The following NLGN1 variants were observed in gnomAD, a reference collection of about 807,000 sequenced individuals.
The protein encoded by NLGN1 is neuroligin-1.
NLGN1 carries 12 observed loss-of-function variants against 65.5 expected under a neutral mutation model. That is an observed-to-expected ratio of 0.18 (90% CI 0.12 to 0.30). The LOEUF (loss-of-function observed/expected upper bound fraction) is 0.30. Ranked by LOEUF, NLGN1 falls within the 10% of genes least tolerant of loss-of-function variation. The probability of loss-of-function intolerance (pLI) is 1.00; values close to 1 mark genes in which losing one functional copy is unlikely to be tolerated. For missense variants in NLGN1, 750 were observed against 1,007.1 expected (o/e 0.74, Z 3.46); for synonymous variants, 350 against 359.5 (o/e 0.97, Z 0.30).
intron 4 of NLGN1, among the ~76,000 whole-genome samples, chr3:174,124,237 C>T (rs1336146409): frequency 6.6e-6 from 1 of 152,078 alleles, no homozygotes; most frequent in African/African-American, 2.4e-5. Context: ...ATGGTGTTTG[C>T]TATGACAGCT....
At chr3:173,994,036 G>A (rs1316285308) in intron 4 of NLGN1, among the ~76,000 whole-genome samples, 3 of 151,992 alleles carry the variant, frequency 2.0e-5, no homozygotes, top group Admixed American at 6.6e-5. Context: ...TAAGTAGATT[G>A]CCATAAAGGA....
chr3:174,227,098 C>G (rs942218176), intron 4 of NLGN1, among the ~76,000 whole-genome samples: 9 of 152,094 alleles, frequency 5.9e-5, no homozygotes, highest in Non-Finnish European at 1.0e-4. Flanking sequence ...ATTGCATAAG[C>G]TTTGCATGAA....
At chr3:173,524,467 G>A (rs939095398) in intron 2 of NLGN1, among the ~76,000 whole-genome samples, 3 of 152,132 alleles carry the variant, frequency 2.0e-5, no homozygotes, top group Non-Finnish European at 2.9e-5. Context: ...TTTTGCGGAC[G>A]AATCTTAAGG....
chr3:173,816,015 A>G (rs1578584919), intron 4 of NLGN1, among the ~76,000 whole-genome samples: 1 of 148,154 alleles, frequency 6.7e-6, no homozygotes, highest in East Asian at 1.9e-4. Context: ...TAGTTAATTA[A>G]ATATATTTAC....
At chr3:174,053,772 T>TGGG (rs1735434032) in intron 4 of NLGN1, among the ~76,000 whole-genome samples, 1 of 151,950 alleles carries the variant, frequency 6.6e-6, no homozygotes, top group African/African-American at 2.4e-5. Context: ...TCCATTTCAT[T>TGGG]TGCTACCTTT....
intron 2 of NLGN1, among the ~76,000 whole-genome samples, chr3:173,494,455 T>C (rs78372456): frequency 0.078 from 11,813 of 151,720 alleles, 603 homozygotes; most frequent in Middle Eastern, 0.2. Flanking sequence ...TGGACAGATA[T>C]ATATTTTTAT....
intron 4 of NLGN1, among the ~76,000 whole-genome samples, chr3:174,040,071 G>T (rs891220401): frequency 6.6e-6 from 1 of 152,070 alleles, no homozygotes; most frequent in Non-Finnish European, 1.5e-5. Context: ...AATTATCTTT[G>T]ACTTTCCATA....
chr3:173,804,159 C>T (rs1716102633), intron 3 of NLGN1, among the ~76,000 whole-genome samples: 1 of 150,488 alleles, frequency 6.6e-6, no homozygotes, highest in East Asian at 2.0e-4. Flanking sequence ...ACTCAGACTC[C>T]AATTTTTTTT....
chr3:173,858,151 C>A (rs575401718), intron 4 of NLGN1, among the ~76,000 whole-genome samples: 1 of 152,218 alleles, frequency 6.6e-6, no homozygotes, highest in South Asian at 2.1e-4. Flanking sequence ...GCCATTACTT[C>A]TTTGTTAGCA....
chr3:174,138,389 T>A (rs1721606141), intron 4 of NLGN1, among the ~76,000 whole-genome samples: 1 of 152,096 alleles, frequency 6.6e-6, no homozygotes, highest in African/African-American at 2.4e-5. Flanking sequence ...TGAATTATTT[T>A]GTTATAATTT....
At chr3:173,637,370 C>T (rs12107677) in intron 3 of NLGN1, among the ~76,000 whole-genome samples, 1,609 of 152,174 alleles carry the variant, frequency 0.011, 34 homozygotes, top group African/African-American at 0.036. Context: ...ACAGAGTGGT[C>T]CATTCTTTAC....
intron 4 of NLGN1, among the ~76,000 whole-genome samples, chr3:173,876,985 A>T (rs1381075669): frequency 1.3e-5 from 2 of 152,190 alleles, no homozygotes; most frequent in African/African-American, 4.8e-5. Flanking sequence ...CCAAGTGGAT[A>T]TTCAAATTGG....
rs558892888 is a variant in NLGN1 at position 174,232,482 on chromosome 3, C to T, written c.647-42833C>T. ...CCCTCTAAAGGTTTGCTAAAAATTA[C>T]TGACATGAAGCAGATTGATTAATAG... On this transcript the variant is annotated intron_variant, in intron 4 of 6. Coordinates refer to ENST00000457714, the Ensembl canonical transcript of NLGN1. Among the ~76,000 whole-genome samples, 20 of 152,286 alleles carry T rather than the reference C, an allele frequency of 1.3e-4. No homozygotes were observed. The East Asian group carries it at 3.5e-3, about 26-fold the overall frequency.
At chr3:173,689,038 T>C (rs1375199466) in intron 3 of NLGN1, among the ~76,000 whole-genome samples, 3 of 152,202 alleles carry the variant, frequency 2.0e-5, no homozygotes, top group African/African-American at 7.2e-5. Context: ...TATGTCCTAC[T>C]CTGGTAGACC....
chr3:173,526,838 C>T (rs1735723379), intron 2 of NLGN1, among the ~76,000 whole-genome samples: 1 of 152,184 alleles, frequency 6.6e-6, no homozygotes, highest in Admixed American at 6.5e-5. Context: ...TAAGTGAGAA[C>T]ATGCAAAGTT....
intron 2 of NLGN1, among the ~76,000 whole-genome samples, chr3:173,576,176 A>T (rs1745471110): frequency 6.6e-6 from 1 of 152,130 alleles, no homozygotes; most frequent in Non-Finnish European, 1.5e-5. Context: ...ATACAGTATT[A>T]AATTTAATTT....
chr3:173,492,904 A>G (rs966379126), intron 2 of NLGN1, among the ~76,000 whole-genome samples: 13 of 151,892 alleles, frequency 8.6e-5, no homozygotes, highest in African/African-American at 2.7e-4. Context: ...CTTGGGAAAT[A>G]TTAGTATCTC....
intron 2 of NLGN1, among the ~76,000 whole-genome samples, chr3:173,455,577 G>A (rs1722373057): frequency 6.6e-6 from 1 of 152,118 alleles, no homozygotes; most frequent in South Asian, 2.1e-4. Flanking sequence ...GTGAGCAGAT[G>A]CTGTTGGAAA....
chr3:174,116,683 A>T (rs1023008850), intron 4 of NLGN1, among the ~76,000 whole-genome samples: 1 of 152,066 alleles, frequency 6.6e-6, no homozygotes, highest in African/African-American at 2.4e-5. Context: ...AGCATTTGGA[A>T]ACTGTATACA....
Sources: allele counts gnomAD v4.1 joint callset (sites outside exome capture counted in the v4.1 genomes callset), GRCh38; gene constraint gnomAD v4.1.1; transcripts MANE v1.5; gene names NCBI Gene and HGNC (gene_info 2026-07-23, HGNC 2026-07-21).